SETX: variants seen among roughly 807,000 people sequenced by gnomAD.
The protein encoded by SETX is helicase senataxin.
SETX carries 90 observed loss-of-function variants against 227.2 expected under a neutral mutation model. The observed-to-expected ratio is 0.40, with a 90% CI of 0.33 to 0.47. The LOEUF (loss-of-function observed/expected upper bound fraction) is 0.47, where lower values mean the gene tolerates loss of function less well. Among genes scored for constraint, SETX ranks in the 20% least tolerant of loss-of-function variants. The pLI is 0.91. For missense variants in SETX, 3,052 were observed against 3,181.5 expected, an observed-to-expected ratio of 0.96 and a Z score of 0.98; for synonymous variants, 1,210 against 1,113.2, an observed-to-expected ratio of 1.09 and a Z score of -1.73.
At chr9:132,310,821 T>A (rs1299738411) in intron 11 of SETX, among the ~76,000 whole-genome samples, 1 of 152,234 alleles carries the variant, frequency 6.6e-6, no homozygotes, top group African/African-American at 2.4e-5. Flanking sequence ...AGTGTGACGA[T>A]GATAAAGATG....
chr9:132,349,551 AC>A, intron 2 of SETX, 116 bp from the exon 3 acceptor site: 1 of 1,008,344 alleles, frequency 9.9e-7, no homozygotes, highest in Non-Finnish European at 1.5e-6. Flanking sequence ...TGTCACTAAA[AC>A]CCAAATCTTC....
intron 18 of SETX, among the ~76,000 whole-genome samples, chr9:132,285,215 T>C (rs904373525): frequency 6.6e-6 from 1 of 152,146 alleles, no homozygotes; most frequent in African/African-American, 2.4e-5. Context: ...ATGATAATTA[T>C]CATAATTGTT....
At chr9:132,298,838 G>A (rs1844826683) in intron 12 of SETX, among the ~76,000 whole-genome samples, 1 of 152,128 alleles carries the variant, frequency 6.6e-6, no homozygotes, top group Non-Finnish European at 1.5e-5. Context: ...CATTTTATAG[G>A]GCTGTGCAGA....
intron 3 of SETX, among the ~76,000 whole-genome samples, chr9:132,348,820 C>CAGGAGGATGAGGT (rs1455933376): frequency 6.6e-6 from 1 of 152,052 alleles, no homozygotes; most frequent in African/African-American, 2.4e-5. Flanking sequence ...CCCAGCTACT[C>CAGGAGGATGAGGT]AGGAGGATGA....
At position 132,312,479 on chromosome 9, in the gene SETX, C is replaced by G. The variant is rs1261776624; in HGVS notation, c.5275-623G>C. ...TTTTAAAAAACTAACAAATATATTA[C>G]CTTTTGGGCCCTAAGGAGGGTTTTG... On this transcript the variant is annotated intron_variant, in intron 10 of 25. Transcript: ENST00000224140. Among the ~76,000 whole-genome samples the G allele has an allele frequency of 2.0e-5, 3 of 152,272 alleles. No homozygotes were observed. The East Asian group carries it at 5.8e-4, about 29-fold the overall frequency.
At chr9:132,271,319 T>C (rs1842892426) in intron 24 of SETX, among the ~76,000 whole-genome samples, 1 of 152,190 alleles carries the variant, frequency 6.6e-6, no homozygotes, top group Non-Finnish European at 1.5e-5. Flanking sequence ...ATCCCAGCAT[T>C]TTGGGAGGCC....
At chr9:132,317,494 T>C (rs569634365) in intron 10 of SETX, among the ~76,000 whole-genome samples, 1 of 152,268 alleles carries the variant, frequency 6.6e-6, no homozygotes, top group East Asian at 1.9e-4. Context: ...ATCAATTATA[T>C]ACGCTTGGGT....
Position 132,270,377 on chromosome 9 carries a change from G to A in SETX, c.7200-675C>T, listed in dbSNP as rs950024004. Among the ~76,000 whole-genome samples the A allele has an allele frequency of 4.7e-5, 7 of 149,796 alleles. No individual in the cohort carries two copies. In the East Asian group the frequency reaches 1.2e-3, roughly 25 times the overall value. Reference sequence around the variant, plus strand: ...CAGCATGCCCATGTGAGACACAGATGGACTCTAGAATGACTCAGCATGCCA... The same window carrying A: ...CAGCATGCCCATGTGAGACACAGATAGACTCTAGAATGACTCAGCATGCCA... On this transcript the variant is annotated intron_variant, in intron 24 of 25. Coordinates refer to ENST00000224140, the MANE Select transcript of SETX (RefSeq NM_015046.7).
intron 25 of SETX, among the ~76,000 whole-genome samples, chr9:132,268,055 T>C (rs1021901955): frequency 2.0e-5 from 3 of 152,256 alleles, no homozygotes; most frequent in Non-Finnish European, 4.4e-5. Flanking sequence ...TTTGTCTTGT[T>C]TTGCTCAACT....
At position 132,349,327 on chromosome 9, in the gene SETX, G is replaced by C; in HGVS notation, c.102C>G (p.Asp34Glu). ...ACTCCAAGCAGTAGCAGAGGTCTTC[G>C]TCGGCTGTTTGAAATTCACCGGACG... Reference protein sequence around the residue: ...NTPSGEFQTADEDLCYCLECV... With the variant: ...NTPSGEFQTAEEDLCYCLECV... Residue 34 changes from aspartate to glutamate, a missense_variant, in exon 3 of 26, where the codon GAC (aspartate) becomes GAG (glutamate). Asp to Glu is a conservative substitution (Grantham distance 45). This residue lies in a region of SETX where 152 missense variants were observed against 156.2 expected (regional missense o/e 0.97). Transcript: ENST00000224140. 2 of 1,614,040 alleles carry C rather than the reference G, an allele frequency of 1.2e-6. No individual in the cohort carries two copies. The highest frequency in any genetic ancestry group is 8.5e-7 in the Non-Finnish European group (1 of 1,180,022).
chr9:132,355,972 G>A (rs1320690960), upstream of SETX, among the ~76,000 whole-genome samples: 2 of 140,230 alleles, frequency 1.4e-5, no homozygotes, highest in Non-Finnish European at 1.5e-5. Flanking sequence ...GGGCAAAGGA[G>A]CGAGACTCTC....
At chr9:132,295,551 C>CAGGG (rs1844618366) in intron 15 of SETX, among the ~76,000 whole-genome samples, 1 of 152,194 alleles carries the variant, frequency 6.6e-6, no homozygotes. Flanking sequence ...CCTCACACAA[C>CAGGG]TGAATCAGGG....
chr9:132,356,205 C>G (rs1848904970), upstream of SETX, among the ~76,000 whole-genome samples: 1 of 151,694 alleles, frequency 6.6e-6, no homozygotes, highest in African/African-American at 2.4e-5. Context: ...GCCTATCCCC[C>G]CCCTTTTTTG....
At chr9:132,284,299 G>T (rs1219012157) in intron 18 of SETX, among the ~76,000 whole-genome samples, 1 of 152,226 alleles carries the variant, frequency 6.6e-6, no homozygotes, top group East Asian at 1.9e-4. Flanking sequence ...ACTCAGGAAA[G>T]ATTAATCTGG....
chr9:132,326,809 T>C lies in SETX; in HGVS notation c.4789A>G (p.Lys1597Glu). 5 of 1,614,190 alleles carry C rather than the reference T, an allele frequency of 3.1e-6. No homozygotes were observed. Among genetic ancestry groups the C allele is most frequent in the Non-Finnish European group, 4.2e-6 (5 of 1,180,034 alleles). ...PASKPLRPTT[K>E]IFSSKSTSRI... Reference sequence around the variant, plus strand: ...GAAGTACTCTTTGAGCTAAAAATCTTAGTGGTAGGTCTCAAAGGTTTAGAT... The same window carrying C: ...GAAGTACTCTTTGAGCTAAAAATCTCAGTGGTAGGTCTCAAAGGTTTAGAT... Residue 1597 changes from lysine (K) to glutamate (E), a missense_variant, in exon 10 of 26, where the codon AAG becomes GAG. Physicochemically the swap from Lys to Glu is moderately conservative, Grantham distance 56. Around this residue, in one of 10 missense-constraint regions of SETX, gnomAD observed 1,483 missense variants for 1,312.0 expected, o/e 1.13. Coordinates refer to ENST00000224140, the MANE Select transcript of SETX (RefSeq NM_015046.7).
intron 18 of SETX, 147 bp downstream of exon 18, chr9:132,286,276 T>C (rs1044778342): frequency 3.2e-6 from 2 of 632,368 alleles, no homozygotes; most frequent in Non-Finnish European, 5.5e-6. Flanking sequence ...GCTGAGATCA[T>C]GCCACTGCAC....
chr9:132,291,619 C>T (rs970470616), intron 15 of SETX, among the ~76,000 whole-genome samples: 12 of 152,084 alleles, frequency 7.9e-5, no homozygotes, highest in Admixed American at 2.6e-4. Flanking sequence ...AGAGAAATCC[C>T]TAGAGGCCAA....
intron 23 of SETX, 71 bp from the exon 24 acceptor site, chr9:132,271,879 AGTTTTTTG>A: frequency 7.2e-7 from 1 of 1,383,608 alleles, no homozygotes; most frequent in Non-Finnish European, 1.0e-6. Context: ...TTTATAAACT[AGTTTTTTG>A]GTTTTTTTTT....
At chr9:132,303,034 T>A (rs1845106977) in intron 11 of SETX, among the ~76,000 whole-genome samples, 2 of 152,168 alleles carry the variant, frequency 1.3e-5, no homozygotes, top group Admixed American at 1.3e-4. Context: ...TTTATTTTTT[T>A]AGAGATTGGG....
Sources: allele counts gnomAD v4.1 joint callset (sites outside exome capture counted in the v4.1 genomes callset), GRCh38; gene constraint gnomAD v4.1.1; regional missense constraint gnomAD v4.1.1; transcripts MANE v1.5; gene names NCBI Gene and HGNC (gene_info 2026-07-23, HGNC 2026-07-21).